LRMDA: variants seen among roughly 807,000 people sequenced by gnomAD.
The protein encoded by LRMDA is leucine-rich melanocyte differentiation-associated protein.
LRMDA carries 18 observed loss-of-function variants against 29.8 expected under a neutral mutation model. The ratio of observed to expected loss-of-function variants is 0.60; its 90% CI spans 0.42 to 0.90. LRMDA has a LOEUF of 0.90. LRMDA is among the 40% of genes least tolerant of loss of function. LRMDA has a pLI of 0.00. For synonymous variants in LRMDA, 125 were observed against 109.4 expected, an observed-to-expected ratio of 1.14 and a Z score of -0.89; for missense variants, 273 against 273.9, an observed-to-expected ratio of 1.00 and a Z score of 0.02.
chr10:76,372,861 C>G (rs1006528117), intron 6 of LRMDA, among the ~76,000 whole-genome samples: 4 of 151,922 alleles, frequency 2.6e-5, no homozygotes, highest in Non-Finnish European at 5.9e-5. Context: ...TTGAAGGGTC[C>G]CATTTTAACA....
In LRMDA at chr10:76,196,472, G is replaced by A. The variant is rs373999293; in HGVS notation, c.517-127929G>A. Among the ~76,000 whole-genome samples the A allele has an allele frequency of 2.6e-5, 4 of 152,264 alleles. No individual in the cohort carries two copies. The South Asian group carries it at 8.3e-4, about 32-fold the overall frequency. On this transcript the variant is annotated intron_variant, in intron 5 of 6. Transcript: ENST00000611255. ...TTGACCATGTTTTCAGAGCTGCCAC[G>A]TGGCAGGAAAAGAGTCCAAATCTGC...
At chr10:75,914,380 A>G (rs954247553) in intron 2 of LRMDA, among the ~76,000 whole-genome samples, 1 of 152,228 alleles carries the variant, frequency 6.6e-6, no homozygotes, top group African/African-American at 2.4e-5. Context: ...ATGTGCTGGG[A>G]AAACAGAGAT....
At chr10:75,846,921 G>A (rs1192863356) in intron 2 of LRMDA, among the ~76,000 whole-genome samples, 1 of 152,128 alleles carries the variant, frequency 6.6e-6, no homozygotes, top group African/African-American at 2.4e-5. Context: ...CTGTTAAAAT[G>A]TCAATACTAC....
chr10:75,722,217 C>T (rs11001481), intron 2 of LRMDA, among the ~76,000 whole-genome samples: 8,152 of 152,136 alleles, frequency 0.054, 283 homozygotes, highest in Non-Finnish European at 0.085. Flanking sequence ...CCTGGTGCAT[C>T]GTTATTGCTA....
chr10:76,036,187 C>CCCCCAA, intron 3 of LRMDA, 53 bp downstream of exon 3: 3 of 1,486,398 alleles, frequency 2.0e-6, no homozygotes, highest in Non-Finnish European at 2.7e-6. Flanking sequence ...CCACAGTCGT[C>CCCCCAA]CCCCAACCCC....
intron 2 of LRMDA, among the ~76,000 whole-genome samples, chr10:75,549,957 A>G (rs1425457860): frequency 6.6e-6 from 1 of 152,174 alleles, no homozygotes; most frequent in Non-Finnish European, 1.5e-5. Flanking sequence ...TCATCCATGT[A>G]GTTGCATGTA....
At chr10:76,452,145 T>G (rs1044642232) in intron 6 of LRMDA, among the ~76,000 whole-genome samples, 3 of 152,176 alleles carry the variant, frequency 2.0e-5, no homozygotes, top group African/African-American at 7.2e-5. Context: ...CTTGACATGC[T>G]TTAAGTCAAC....
At chr10:75,510,191 T>G (rs1845211071) in intron 2 of LRMDA, among the ~76,000 whole-genome samples, 1 of 152,242 alleles carries the variant, frequency 6.6e-6, no homozygotes, top group Non-Finnish European at 1.5e-5. Context: ...GTGCTTGCTT[T>G]CTTCCACAAG....
chr10:75,609,601 A>G (rs1841002263), intron 2 of LRMDA, among the ~76,000 whole-genome samples: 1 of 152,208 alleles, frequency 6.6e-6, no homozygotes, highest in South Asian at 2.1e-4. Flanking sequence ...AAGTTGCAAA[A>G]TTAGAATAAA....
intron 2 of LRMDA, 53 bp downstream of exon 2, chr10:75,438,547 G>A: frequency 1.5e-6 from 2 of 1,359,850 alleles, no homozygotes; most frequent in African/African-American, 1.4e-5. Context: ...AGTCCTCCTG[G>A]GTACTTTAGG....
intron 2 of LRMDA, among the ~76,000 whole-genome samples, chr10:75,635,765 G>A (rs1841383979): frequency 6.6e-6 from 1 of 151,770 alleles, no homozygotes; most frequent in South Asian, 2.1e-4. Context: ...TGCATGTTAT[G>A]TTGTCAAGTT....
At chr10:76,364,148 G>A (rs1475171886) in intron 6 of LRMDA, among the ~76,000 whole-genome samples, 4 of 152,048 alleles carry the variant, frequency 2.6e-5, no homozygotes, top group Non-Finnish European at 5.9e-5. Context: ...AACTCCAGTG[G>A]CATAGGATAG....
intron 2 of LRMDA, among the ~76,000 whole-genome samples, chr10:75,974,185 T>C (rs1446313967): frequency 6.6e-6 from 1 of 152,174 alleles, no homozygotes. Flanking sequence ...CATCCACAAA[T>C]GTGTCTTGGT....
intron 2 of LRMDA, among the ~76,000 whole-genome samples, chr10:75,747,917 G>A (rs1454104328): frequency 6.6e-6 from 1 of 152,100 alleles, no homozygotes; most frequent in African/African-American, 2.4e-5. Context: ...CATTAAGAAA[G>A]TCAAATAGTA....
At chr10:75,774,797 G>A (rs968960882) in intron 2 of LRMDA, among the ~76,000 whole-genome samples, 3 of 151,980 alleles carry the variant, frequency 2.0e-5, no homozygotes, top group South Asian at 2.1e-4. Context: ...ACGTACCCAC[G>A]GCAGTTTTCC....
chr10:76,240,408 TA>T (rs1220080078), intron 5 of LRMDA, among the ~76,000 whole-genome samples: 1 of 148,432 alleles, frequency 6.7e-6, no homozygotes, highest in Non-Finnish European at 1.5e-5. Flanking sequence ...ATATATGTAA[TA>T]TATATATTTG....
At chr10:75,907,712 C>T (rs529571834) in intron 2 of LRMDA, among the ~76,000 whole-genome samples, 1 of 152,118 alleles carries the variant, frequency 6.6e-6, no homozygotes, top group Admixed American at 6.6e-5. Context: ...GAAGGGAGGG[C>T]GAAATCATCA....
chr10:75,608,949 TG>T (rs1840993860), intron 2 of LRMDA, among the ~76,000 whole-genome samples: 2 of 152,328 alleles, frequency 1.3e-5, no homozygotes, highest in Non-Finnish European at 2.9e-5. Flanking sequence ...ACCAACAGTT[TG>T]TCTGGTGCAG....
chr10:76,169,720 G>A (rs1224000072), intron 5 of LRMDA, among the ~76,000 whole-genome samples: 1 of 152,158 alleles, frequency 6.6e-6, no homozygotes, highest in Non-Finnish European at 1.5e-5. Flanking sequence ...GTCCTACCAA[G>A]TTCAGTGTTT....
Sources: gnomAD v4.1 joint callset for allele counts (sites outside exome capture counted in the v4.1 genomes callset) on GRCh38, gnomAD v4.1.1 for gene constraint, MANE v1.5 for transcripts, NCBI Gene and HGNC (gene_info 2026-07-23, HGNC 2026-07-21) for gene names.